The following CDH3 variants were observed in gnomAD, a reference collection of about 807,000 sequenced individuals.
The protein encoded by CDH3 is cadherin-3.
CDH3 carries 54 observed loss-of-function variants against 82.0 expected under a neutral mutation model. The observed-to-expected ratio is 0.66, with a 90% CI of 0.53 to 0.83. The LOEUF (loss-of-function observed/expected upper bound fraction) is 0.83, where lower values mean the gene tolerates loss of function less well. Ranked by LOEUF, CDH3 falls within the 40% of genes least tolerant of loss-of-function variation. The pLI, the probability that CDH3 is intolerant of heterozygous loss-of-function variation, is 0.00. For missense variants in CDH3, 1,054 were observed against 1,084.6 expected (o/e 0.97, Z 0.40); for synonymous variants, 446 against 437.9 (o/e 1.02, Z -0.23).
chr16:68,663,240 T>TTC (rs1402842699), intron 2 of CDH3, among the ~76,000 whole-genome samples: 1 of 149,562 alleles, frequency 6.7e-6, no homozygotes, highest in Admixed American at 6.7e-5. Flanking sequence ...TTTTTTTTTT[T>TTC]CTGAGACGGA....
chr16:68,684,452 A>G (rs2152102523), intron 9 of CDH3, 131 bp from the exon 10 acceptor site: 1 of 1,009,042 alleles, frequency 9.9e-7, no homozygotes, highest in Non-Finnish European at 1.6e-6. Context: ...TTACAGAGAA[A>G]GGGCAGCACT....
intron 6 of CDH3, among the ~76,000 whole-genome samples, chr16:68,679,348 C>G (rs1279411755): frequency 6.6e-6 from 1 of 152,196 alleles, no homozygotes; most frequent in Non-Finnish European, 1.5e-5. Context: ...ATGCGAAGCT[C>G]TTGAGAGCAT....
intron 2 of CDH3, among the ~76,000 whole-genome samples, chr16:68,674,862 C>T (rs559226490): frequency 3.3e-5 from 5 of 152,296 alleles, no homozygotes; most frequent in African/African-American, 1.2e-4. Flanking sequence ...CGCCTGTAAT[C>T]CCAGCATTCT....
intron 2 of CDH3, chr16:68,651,049 T>A (rs1226502706): frequency 2.4e-6 from 1 of 419,266 alleles, no homozygotes; most frequent in African/African-American, 2.1e-5. Context: ...CTCCTCCTGG[T>A]AGTAAGGGGG....
Position 68,680,979 on chromosome 16 carries a change from G to C in CDH3, c.879G>C (p.Glu293Asp). 2 of 1,614,110 alleles carry C rather than the reference G, an allele frequency of 1.2e-6. No individual in the cohort carries two copies. The highest frequency in any genetic ancestry group is 1.7e-6 in the Non-Finnish European group (2 of 1,180,006). ...SSGLDREKVP[E>D]YTLTIQATDM... ...TCCTTTCTCCCCAGAAAGTCCCTGA[G>C]TACACACTGACCATCCAGGCCACAG... Residue 293 changes from glutamate to aspartate, a missense_variant, in exon 8 of 16, where the codon GAG becomes GAC. Physicochemically the swap from Glu to Asp is conservative, Grantham distance 45. Coordinates refer to ENST00000264012, the MANE Select transcript of CDH3 (RefSeq NM_001793.6).
chr16:68,661,528 G>A (rs1438265894), intron 2 of CDH3, among the ~76,000 whole-genome samples: 1 of 152,170 alleles, frequency 6.6e-6, no homozygotes, highest in African/African-American at 2.4e-5. Context: ...TATTTCTTTA[G>A]ACTAGATTTC....
intron 15 of CDH3, 151 bp from the exon 16 acceptor site, chr16:68,698,040 A>C (rs1567458804): frequency 6.5e-6 from 5 of 766,762 alleles, no homozygotes; most frequent in Non-Finnish European, 1.1e-5. Context: ...CCCTGAGTGA[A>C]TGAATTCTGC....
intron 2 of CDH3, among the ~76,000 whole-genome samples, chr16:68,670,204 A>G (rs1386231060): frequency 6.9e-6 from 1 of 145,340 alleles, no homozygotes; most frequent in East Asian, 2.0e-4. Flanking sequence ...AGCCTGGGCA[A>G]CAGAGCAAGA....
chr16:68,698,694 C>T lies in CDH3; in HGVS notation c.*294C>T, dbSNP rs933855090. Reference sequence around the variant, plus strand: ...GCCGTAAAATGCTCAACCCTGTGTCCTGGGCCTGGGCCTGCTGTGACTGAC... The same window carrying T: ...GCCGTAAAATGCTCAACCCTGTGTCTTGGGCCTGGGCCTGCTGTGACTGAC... On this transcript the variant is annotated 3_prime_UTR_variant, in exon 16 of 16. Transcript: ENST00000264012. 2 of 451,650 alleles carry T rather than the reference C, an allele frequency of 4.4e-6. No homozygotes were observed. Among genetic ancestry groups the T allele is most frequent in the African/African-American group, 3.9e-5 (2 of 50,960 alleles). The allele number at this position is 451,650 out of a possible 1,614,324, so 28.0% of individuals were successfully genotyped here.
rs553378653 is a variant in CDH3, at chr16:68,698,330, A to G, written c.2420A>G (p.Asp807Gly). Residue 807 changes from aspartate (D) to glycine (G), a missense_variant, in exon 16 of 16, where the codon GAT (aspartate) becomes GGT (glycine). Coordinates refer to ENST00000264012, the MANE Select transcript of CDH3 (RefSeq NM_001793.6). Reference sequence around the variant, plus strand: ...GCCTCCGACCAAGACCAAGATTACGATTATCTGAACGAGTGGGGCAGCCGC... The same window carrying G: ...GCCTCCGACCAAGACCAAGATTACGGTTATCTGAACGAGTGGGGCAGCCGC... ...SSASDQDQDYDYLNEWGSRFK... is the reference protein window; with the variant it reads ...SSASDQDQDYGYLNEWGSRFK... 6.8e-6 allele frequency: 11 copies of G among 1,614,170 alleles called. No homozygotes were observed. In the East Asian group the frequency reaches 2.5e-4, roughly 36 times the overall value.
intron 2 of CDH3, among the ~76,000 whole-genome samples, chr16:68,654,162 C>T (rs1380112366): frequency 1.3e-4 from 20 of 149,888 alleles, no homozygotes; most frequent in African/African-American, 4.4e-4. Flanking sequence ...CGGATTCAAG[C>T]GATTCTCCTG....
chr16:68,662,848 T>C lies in CDH3; in HGVS notation c.161-13537T>C, dbSNP rs1024767298. ...GGTGTGAGCCACCGTTCCCGGAGGCTGGTGGATTTTTTAAAGTTTTTTTTT... is the reference window on the plus strand; with the variant it reads ...GGTGTGAGCCACCGTTCCCGGAGGCCGGTGGATTTTTTAAAGTTTTTTTTT... On this transcript the variant is annotated intron_variant, in intron 2 of 15. Transcript: ENST00000264012. Among the ~76,000 whole-genome samples, 22 of 135,914 alleles carry C rather than the reference T, an allele frequency of 1.6e-4. No individual in the cohort carries two copies. The Admixed American group carries it at 1.7e-3, about 11-fold the overall frequency. The allele number at this position is 135,914 out of a possible 152,430, so 89.2% of individuals were successfully genotyped here. A position where few individuals can be genotyped will look rare whatever the true frequency, so the allele number is the denominator to read the frequency against.
In CDH3 at chr16:68,691,745, G is replaced by C. The variant is rs1421469006; in HGVS notation, c.1821G>C (p.Lys607Asn). The change falls in exon 13 of 16, where the codon AAG becomes AAC. Residue 607 changes from lysine to asparagine, a missense_variant. Transcript: ENST00000264012. ...GTGACACAGTGGTCTTGTCCCTGAA[G>C]AAGTTCCTGAAGCAGGATACATATG... Reference protein sequence around the residue: ...EEGDTVVLSLKKFLKQDTYDV... With the variant: ...EEGDTVVLSLNKFLKQDTYDV... 1.9e-6 allele frequency: 3 copies of C among 1,614,130 alleles called. No homozygotes were observed. Among genetic ancestry groups the C allele is most frequent in the South Asian group, 2.2e-5 (2 of 91,080 alleles).
intron 2 of CDH3, among the ~76,000 whole-genome samples, chr16:68,648,306 G>T (rs934459698): frequency 1.3e-5 from 2 of 152,166 alleles, no homozygotes; most frequent in African/African-American, 4.8e-5. Context: ...GCCCAGTCCT[G>T]TATGAATTAT....
At chr16:68,722,272 T>TTGAATGAA (rs10656269) in intron 1 of CDH3, among the ~76,000 whole-genome samples, 4 of 152,048 alleles carry the variant, frequency 2.6e-5, no homozygotes, top group African/African-American at 4.8e-5. Context: ...TGAGTGTTTA[T>TTGAATGAA]TGAATGAATG....
chr16:68,704,743 G>A (rs980879621), downstream of CDH3, among the ~76,000 whole-genome samples: 6 of 152,116 alleles, frequency 3.9e-5, no homozygotes, highest in South Asian at 6.2e-4. Flanking sequence ...GGAGAGTTTC[G>A]ATGGTTCCCT....
At position 68,670,491 on chromosome 16, in the gene CDH3, C is replaced by T. The variant is rs922985336; in HGVS notation, c.161-5894C>T. On this transcript the variant is annotated intron_variant, in intron 2 of 15. Transcript: ENST00000264012. The stretch of plus-strand genomic sequence containing the variant: ...GTTTATTTTTCTTGAAATGGTTTTG[C>T]TCTGTCTCCAGCTGGGGTGCAGTGG... Among the ~76,000 whole-genome samples, 6 of 152,234 alleles carry T rather than the reference C, an allele frequency of 3.9e-5. No individual in the cohort carries two copies. In the East Asian group the frequency reaches 9.7e-4, roughly 25 times the overall value.
At chr16:68,661,893 G>A (rs912745709) in intron 2 of CDH3, among the ~76,000 whole-genome samples, 2 of 152,246 alleles carry the variant, frequency 1.3e-5, no homozygotes, top group Non-Finnish European at 2.9e-5. Context: ...GTTTCGCCAT[G>A]TTGGCCAGGC....
intron 2 of CDH3, among the ~76,000 whole-genome samples, chr16:68,654,412 T>G (rs1440866121): frequency 1.6e-5 from 1 of 62,030 alleles, no homozygotes; most frequent in Non-Finnish European, 3.5e-5. Context: ...TTTTTTTTTT[T>G]TTTTTTGCGG....
Sources: gnomAD v4.1 joint callset for allele counts (sites outside exome capture counted in the v4.1 genomes callset) on GRCh38, gnomAD v4.1.1 for gene constraint, MANE v1.5 for transcripts, NCBI Gene and HGNC (gene_info 2026-07-23, HGNC 2026-07-21) for gene names.